Variants in DMD observed in about 807,000 individuals in gnomAD.
The protein encoded by DMD is dystrophin.
In DMD, 63 loss-of-function variants were observed where a neutral mutation model predicts 330.1. That is an observed-to-expected ratio of 0.19 (90% CI 0.16 to 0.24). The LOEUF is 0.24. Among genes scored for constraint, DMD ranks in the 10% least tolerant of loss-of-function variants. The pLI, the probability that DMD is intolerant of heterozygous loss-of-function variation, is 1.00. For missense variants in DMD, 3,344 were observed against 2,684.1 expected, an observed-to-expected ratio of 1.25 and a Z score of -5.43; for synonymous variants, 1,223 against 959.8, an observed-to-expected ratio of 1.27 and a Z score of -5.07.
At chrX:31,944,378 T>A (rs1380286955) in intron 45 of DMD, among the ~76,000 whole-genome samples, 1 of 112,361 alleles carries the variant, frequency 8.9e-6, no homozygotes, top group African/African-American at 3.2e-5. Context: ...CACTATATTG[T>A]TTCTGTTGTA....
chrX:31,199,213 T>C (rs1176851063), intron 67 of DMD, among the ~76,000 whole-genome samples: 1 of 111,459 alleles, frequency 9.0e-6, no homozygotes, highest in Non-Finnish European at 1.9e-5. Context: ...ACAGGGCTGT[T>C]TCCATGGAAT....
chrX:31,982,790 A>G (rs1366277715), intron 44 of DMD, among the ~76,000 whole-genome samples: 1 of 108,859 alleles, frequency 9.2e-6, no homozygotes, highest in Non-Finnish European at 1.9e-5. Context: ...TTTATCTACT[A>G]TGGTATCAGC....
intron 1 of DMD, among the ~76,000 whole-genome samples, chrX:33,042,566 T>C (rs183502852): frequency 3.1e-3 from 346 of 112,383 alleles, no homozygotes; most frequent in African/African-American, 0.011. Context: ...GTGAATGTCA[T>C]TGAAAGCTAA....
At chrX:32,773,283 GACT>G (rs963320651) in intron 7 of DMD, among the ~76,000 whole-genome samples, 8 of 111,355 alleles carry the variant, frequency 7.2e-5, no homozygotes, top group African/African-American at 2.3e-4. Context: ...TAGTTATTAT[GACT>G]ACATAATAGT....
intron 4 of DMD, among the ~76,000 whole-genome samples, chrX:32,835,391 T>G (rs1280343855): frequency 8.9e-6 from 1 of 112,572 alleles, no homozygotes; most frequent in Non-Finnish European, 1.9e-5. Flanking sequence ...AGTAGCATAG[T>G]CTCCCATTTC....
At chrX:32,054,487 T>C (rs1007940907) in intron 44 of DMD, among the ~76,000 whole-genome samples, 3 of 109,186 alleles carry the variant, frequency 2.7e-5, no homozygotes, top group African/African-American at 1.0e-4. Context: ...AACGATGGTT[T>C]CCAGATTCAT....
chrX:33,182,008 T>C (rs1231697394), intron 1 of DMD, among the ~76,000 whole-genome samples: 2 of 112,025 alleles, frequency 1.8e-5, no homozygotes, highest in Non-Finnish European at 3.8e-5. Context: ...GTTTCTAATG[T>C]GTATTCCCCA....
At chrX:32,201,264 A>G (rs2077004274) in intron 44 of DMD, among the ~76,000 whole-genome samples, 1 of 112,153 alleles carries the variant, frequency 8.9e-6, no homozygotes, top group African/African-American at 3.2e-5. Flanking sequence ...TGTGAATGTG[A>G]TCTTTCTTTC....
intron 59 of DMD, among the ~76,000 whole-genome samples, chrX:31,468,563 G>A (rs1436824844): frequency 9.0e-6 from 1 of 111,660 alleles, no homozygotes; most frequent in Non-Finnish European, 1.9e-5. Flanking sequence ...TGCATTTGCT[G>A]AGGAGTGTTT....
At chrX:32,783,071 A>G (rs2074964723) in intron 7 of DMD, among the ~76,000 whole-genome samples, 1 of 102,596 alleles carries the variant, frequency 9.7e-6, no homozygotes, top group Non-Finnish European at 2.0e-5. Context: ...TATGGTGTAT[A>G]TATACACACA....
At chrX:31,935,464 T>C (rs991511228) in intron 45 of DMD, among the ~76,000 whole-genome samples, 3 of 111,651 alleles carry the variant, frequency 2.7e-5, no homozygotes, top group Admixed American at 9.6e-5. Context: ...TTAGAATCAA[T>C]TGTGGAAGAA....
At chrX:33,203,679 A>C (rs1044684944) in intron 1 of DMD, among the ~76,000 whole-genome samples, 6 of 104,900 alleles carry the variant, frequency 5.7e-5, no homozygotes, top group South Asian at 4.1e-4. Flanking sequence ...TTTTTTTTTT[A>C]GTGCTTTTGT....
chrX:32,479,222 G>A (rs1440419167), intron 21 of DMD, among the ~76,000 whole-genome samples: 1 of 111,152 alleles, frequency 9.0e-6, no homozygotes, highest in Non-Finnish European at 1.9e-5. Flanking sequence ...TGTATGCATT[G>A]TAAAATATTC....
intron 37 of DMD, among the ~76,000 whole-genome samples, chrX:32,360,616 C>G (rs2097828532): frequency 9.1e-6 from 1 of 109,354 alleles, no homozygotes; most frequent in East Asian, 2.9e-4. Flanking sequence ...GGTGAAACCC[C>G]GTCTCTGCCA....
At chrX:33,185,760 T>C (rs900390359) in intron 1 of DMD, among the ~76,000 whole-genome samples, 6 of 111,871 alleles carry the variant, frequency 5.4e-5, no homozygotes, top group African/African-American at 1.3e-4. Flanking sequence ...AATGTTACCA[T>C]CATCTCACCA....
At chrX:33,193,179 C>T (rs193236380) in intron 1 of DMD, among the ~76,000 whole-genome samples, 2 of 111,184 alleles carry the variant, frequency 1.8e-5, no homozygotes, top group Admixed American at 9.6e-5. Context: ...TGGTGGGACC[C>T]GCCTGTAATC....
At chrX:31,851,162 T>C (rs1204945169) in intron 48 of DMD, among the ~76,000 whole-genome samples, 1 of 111,349 alleles carries the variant, frequency 9.0e-6, no homozygotes, top group African/African-American at 3.3e-5. Context: ...GCTAGACCAC[T>C]GCAACACAGC....
chrX:31,447,456 A>G (rs2065369863), intron 59 of DMD, among the ~76,000 whole-genome samples: 2 of 109,777 alleles, frequency 1.8e-5, no homozygotes, highest in Non-Finnish European at 3.8e-5. Flanking sequence ...TTCTGCTCCC[A>G]TCAGTTGACT....
intron 44 of DMD, among the ~76,000 whole-genome samples, chrX:32,127,853 C>A (rs147257685): frequency 8.4e-4 from 94 of 111,904 alleles, no homozygotes; most frequent in African/African-American, 2.9e-3. Flanking sequence ...CAGGAAGGGA[C>A]GAGGCATTTA....
Sources: allele counts gnomAD v4.1 joint callset (sites outside exome capture counted in the v4.1 genomes callset), GRCh38; gene constraint gnomAD v4.1.1; transcripts MANE v1.5; gene names NCBI Gene and HGNC (gene_info 2026-07-23, HGNC 2026-07-21).